The following ACAD11 variants were observed in gnomAD, a reference collection of about 807,000 sequenced individuals.
The protein encoded by ACAD11 is acyl-Coenzyme A dehydrogenase family, member 11.
ACAD11 carries 83 observed loss-of-function variants against 102.2 expected under a neutral mutation model. That is an observed-to-expected ratio of 0.81 (90% CI 0.68 to 0.97). The LOEUF is 0.97. Among genes scored for constraint, ACAD11 ranks in the 50% least tolerant of loss-of-function variants. The pLI, the probability that ACAD11 is intolerant of heterozygous loss-of-function variation, is 0.00. For missense variants in ACAD11, 901 were observed against 951.7 expected, an observed-to-expected ratio of 0.95 and a Z score of 0.70; for synonymous variants, 324 against 319.8, an observed-to-expected ratio of 1.01 and a Z score of -0.14.
intron 13 of ACAD11, chr3:132,601,596 TAA>T (rs1576579271): frequency 1.7e-6 from 1 of 585,134 alleles, no homozygotes; most frequent in East Asian, 2.9e-5. Flanking sequence ...GGGGGAGAAA[TAA>T]AAGCCAAGAA....
intron 18 of ACAD11, 38 bp downstream of exon 18, chr3:132,561,063 T>C: frequency 1.3e-6 from 2 of 1,510,344 alleles, no homozygotes; most frequent in Non-Finnish European, 1.8e-6. Flanking sequence ...TGGAGAAGGC[T>C]CAGCAGTTGG....
intron 13 of ACAD11, among the ~76,000 whole-genome samples, chr3:132,598,630 T>G (rs1938420093): frequency 6.6e-6 from 1 of 152,158 alleles, no homozygotes; most frequent in Non-Finnish European, 1.5e-5. Context: ...TCCGCGTTTA[T>G]TGAGTAGGAA....
At chr3:132,573,305 C>T (rs546244475) in intron 17 of ACAD11, among the ~76,000 whole-genome samples, 28 of 152,280 alleles carry the variant, frequency 1.8e-4, no homozygotes, top group African/African-American at 6.3e-4. Flanking sequence ...GCATTTGAAA[C>T]ATACCTAGTC....
chr3:132,598,301 C>G (rs1938405579), intron 13 of ACAD11, among the ~76,000 whole-genome samples: 1 of 152,162 alleles, frequency 6.6e-6, no homozygotes, highest in East Asian at 1.9e-4. Context: ...CTACGGGGTG[C>G]TAGTAGCCAA....
At chr3:132,633,721 G>T (rs1285397572) in intron 5 of ACAD11, among the ~76,000 whole-genome samples, 1 of 152,070 alleles carries the variant, frequency 6.6e-6, no homozygotes, top group Non-Finnish European at 1.5e-5. Context: ...ATAGACCAAT[G>T]GAACAGAACA....
chr3:132,587,093 T>A (rs1937873856), intron 13 of ACAD11, among the ~76,000 whole-genome samples: 1 of 152,226 alleles, frequency 6.6e-6, no homozygotes, highest in South Asian at 2.1e-4. Context: ...AGCAAAACTC[T>A]GTCTCAAAAA....
At chr3:132,567,438 C>T (rs1262334678) in intron 17 of ACAD11, among the ~76,000 whole-genome samples, 1 of 151,548 alleles carries the variant, frequency 6.6e-6, no homozygotes, top group East Asian at 1.9e-4. Context: ...TATATAATAC[C>T]TAGAACAACC....
intron 1 of ACAD11, chr3:132,654,347 G>C (rs1937667583): frequency 6.6e-6 from 1 of 152,182 alleles, no homozygotes; most frequent in Admixed American, 6.5e-5. Context: ...TATGTTTTAT[G>C]ATCATAAATG....
chr3:132,582,448 T>C (rs1016292233), intron 13 of ACAD11, among the ~76,000 whole-genome samples: 1 of 151,968 alleles, frequency 6.6e-6, no homozygotes, highest in African/African-American at 2.4e-5. Flanking sequence ...TGGGTAATAA[T>C]GACTTTAAAA....
At chr3:132,652,221 T>C (rs1489547127) in intron 1 of ACAD11, among the ~76,000 whole-genome samples, 1 of 152,142 alleles carries the variant, frequency 6.6e-6, no homozygotes, top group East Asian at 1.9e-4. Flanking sequence ...TCATGAGATC[T>C]GATGGTTTTA....
intron 5 of ACAD11, among the ~76,000 whole-genome samples, chr3:132,631,742 C>T (rs796331677): frequency 2.0e-4 from 30 of 152,218 alleles, no homozygotes; most frequent in African/African-American, 6.7e-4. Flanking sequence ...TGAGCAGATG[C>T]AAAAGCAGTT....
intron 10 of ACAD11, 138 bp from the exon 11 acceptor site, chr3:132,618,910 C>G: frequency 1.2e-6 from 1 of 822,896 alleles, no homozygotes; most frequent in Non-Finnish European, 1.7e-6. Flanking sequence ...ACTGTATTCT[C>G]CAGTGAGCAA....
intron 11 of ACAD11, among the ~76,000 whole-genome samples, chr3:132,616,564 T>C (rs1261354191): frequency 6.6e-6 from 1 of 152,242 alleles, no homozygotes; most frequent in East Asian, 1.9e-4. Context: ...TGTGAAACTT[T>C]TGTTTCAATA....
chr3:132,578,209 A>C (rs1937550223), intron 15 of ACAD11, among the ~76,000 whole-genome samples: 1 of 152,114 alleles, frequency 6.6e-6, no homozygotes, highest in African/African-American at 2.4e-5. Context: ...AAATACAAAA[A>C]TTAGCTGGGC....
intron 16 of ACAD11, 26 bp downstream of exon 16, chr3:132,576,918 A>G (rs1937532016): frequency 6.6e-7 from 1 of 1,508,536 alleles, no homozygotes; most frequent in Admixed American, 1.7e-5. Flanking sequence ...TACAATACTG[A>G]AGAATCATTT....
At chr3:132,632,010 TG>T (rs1393114967) in intron 5 of ACAD11, among the ~76,000 whole-genome samples, 1 of 152,258 alleles carries the variant, frequency 6.6e-6, no homozygotes, top group East Asian at 1.9e-4. Flanking sequence ...AATCATGTAA[TG>T]TGGAACCAAT....
intron 17 of ACAD11, among the ~76,000 whole-genome samples, chr3:132,566,881 C>T (rs1489087355): frequency 2.0e-5 from 3 of 152,182 alleles, no homozygotes; most frequent in Non-Finnish European, 4.4e-5. Context: ...CGTTTGCTTT[C>T]TTCTCTAAAA....
intron 17 of ACAD11, among the ~76,000 whole-genome samples, chr3:132,566,029 T>C (rs1243538190): frequency 1.3e-5 from 2 of 152,036 alleles, no homozygotes; most frequent in Non-Finnish European, 2.9e-5. Flanking sequence ...CTGACAAAAT[T>C]TTAAAGCAGC....
intron 5 of ACAD11, among the ~76,000 whole-genome samples, chr3:132,635,105 G>T (rs1380959740): frequency 6.6e-6 from 1 of 151,184 alleles, no homozygotes; most frequent in Non-Finnish European, 1.5e-5. Context: ...AAAAAATAAA[G>T]AAAAAGATTA....
Sources: gnomAD v4.1 joint callset for allele counts (sites outside exome capture counted in the v4.1 genomes callset) on GRCh38, gnomAD v4.1.1 for gene constraint, MANE v1.5 for transcripts, NCBI Gene and HGNC (gene_info 2026-07-23, HGNC 2026-07-21) for gene names.